ZNF385D: variants seen among roughly 807,000 people sequenced by gnomAD.
The protein encoded by ZNF385D is zinc finger protein 385D, also known as zinc finger protein 659.
A neutral mutation model predicts 35.8 loss-of-function variants in ZNF385D; 15 were observed. The observed-to-expected ratio is 0.42, with a 90% CI of 0.28 to 0.64. ZNF385D has a LOEUF of 0.64. Among genes scored for constraint, ZNF385D ranks in the 30% least tolerant of loss-of-function variants. ZNF385D has a pLI of 0.23. For missense variants in ZNF385D, 474 were observed against 494.6 expected (o/e 0.96, Z 0.39); for synonymous variants, 212 against 186.8 (o/e 1.13, Z -1.10).
At chr3:22,131,847 T>C (rs1444347420) in intron 3 of ZNF385D, among the ~76,000 whole-genome samples, 1 of 152,110 alleles carries the variant, frequency 6.6e-6, no homozygotes, top group Non-Finnish European at 1.5e-5. Flanking sequence ...TCCAGTGGGT[T>C]GAGAGAAGGT....
At chr3:21,973,697 C>G (rs1448069476) in intron 3 of ZNF385D, among the ~76,000 whole-genome samples, 1 of 151,950 alleles carries the variant, frequency 6.6e-6, no homozygotes, top group African/African-American at 2.4e-5. Context: ...TGACAGAAAA[C>G]CACTAGAACT....
intron 3 of ZNF385D, among the ~76,000 whole-genome samples, chr3:22,029,586 T>C (rs1267064473): frequency 6.6e-6 from 1 of 152,250 alleles, no homozygotes; most frequent in Non-Finnish European, 1.5e-5. Flanking sequence ...ATTTCCTTCT[T>C]CTTTTGTTAA....
intron 3 of ZNF385D, among the ~76,000 whole-genome samples, chr3:21,983,266 A>G (rs1694609395): frequency 7.1e-6 from 1 of 140,412 alleles, no homozygotes; most frequent in Non-Finnish European, 1.6e-5. Context: ...TGCACCCACT[A>G]ACTCGTCATC....
At chr3:22,005,083 A>ACC (rs1394823299) in intron 3 of ZNF385D, among the ~76,000 whole-genome samples, 2,845 of 117,340 alleles carry the variant, frequency 0.024, 103 homozygotes, top group Middle Eastern at 0.06. Flanking sequence ...AAAAAAAAAA[A>ACC]AGGCAGAAAA....
chr3:22,041,271 G>A (rs2125504631), intron 3 of ZNF385D, among the ~76,000 whole-genome samples: 1 of 152,230 alleles, frequency 6.6e-6, no homozygotes, highest in Admixed American at 6.5e-5. Context: ...AATAGGCCAT[G>A]TGTTCACATT....
chr3:22,224,248 T>C (rs1698428392), intron 2 of ZNF385D, among the ~76,000 whole-genome samples: 1 of 152,200 alleles, frequency 6.6e-6, no homozygotes, highest in South Asian at 2.1e-4. Flanking sequence ...AAAAGAGATA[T>C]AATTAAACTG....
At chr3:22,341,695 C>T (rs147112693) in intron 2 of ZNF385D, among the ~76,000 whole-genome samples, 104 of 152,206 alleles carry the variant, frequency 6.8e-4, no homozygotes, top group African/African-American at 2.4e-3. Flanking sequence ...CTTTTGGAGG[C>T]TATAAAATGT....
intron 3 of ZNF385D, among the ~76,000 whole-genome samples, chr3:22,078,843 A>G (rs1401213066): frequency 1.3e-5 from 2 of 152,106 alleles, no homozygotes; most frequent in African/African-American, 2.4e-5. Flanking sequence ...GATAAGTTCT[A>G]TAATACTGTG....
chr3:21,477,739 G>A (rs1704346202), intron 4 of ZNF385D, among the ~76,000 whole-genome samples: 1 of 152,104 alleles, frequency 6.6e-6, no homozygotes, highest in African/African-American at 2.4e-5. Context: ...TCTTCTAGCA[G>A]TGTTGCCTTT....
chr3:21,477,374 C>T (rs1704322613), intron 4 of ZNF385D, among the ~76,000 whole-genome samples: 1 of 152,098 alleles, frequency 6.6e-6, no homozygotes. Context: ...CTGCCTTGAG[C>T]TGTGATTGTG....
intron 3 of ZNF385D, among the ~76,000 whole-genome samples, chr3:22,125,138 G>A (rs903744378): frequency 3.3e-5 from 5 of 152,100 alleles, no homozygotes; most frequent in African/African-American, 9.7e-5. Context: ...GCATACATAT[G>A]TTCAGTTTAC....
chr3:22,057,230 T>C (rs1699452505), intron 3 of ZNF385D, among the ~76,000 whole-genome samples: 1 of 152,222 alleles, frequency 6.6e-6, no homozygotes, highest in Admixed American at 6.5e-5. Flanking sequence ...TTTCTCAGCC[T>C]CAGTTTATCT....
intron 1 of ZNF385D, among the ~76,000 whole-genome samples, chr3:21,707,596 T>C (rs566002821): frequency 5.9e-5 from 9 of 152,208 alleles, no homozygotes; most frequent in Middle Eastern, 6.8e-3. Context: ...GGAGAAAAAA[T>C]GTTGCAGATT....
At chr3:21,445,465 C>A (rs1346014881) in intron 4 of ZNF385D, among the ~76,000 whole-genome samples, 1 of 152,142 alleles carries the variant, frequency 6.6e-6, no homozygotes, top group Non-Finnish European at 1.5e-5. Context: ...TGCCCTCTTT[C>A]TTTTCTTTAG....
rs546041311 is a variant in ZNF385D, at chr3:22,365,318, A to C, written c.106+7132T>G. Reference sequence around the variant, plus strand: ...AAACATTGTCTATTCACTGAGGGCGAAATATCAACTAATATCTAAGAAAAA... The same window carrying C: ...AAACATTGTCTATTCACTGAGGGCGCAATATCAACTAATATCTAAGAAAAA... On this transcript the variant is annotated intron_variant, in intron 2 of 5. Coordinates refer to the ZNF385D transcript ENST00000494108. 3.9e-4 allele frequency among the ~76,000 whole-genome samples: 60 copies of C among 152,170 alleles called. 2 individuals are homozygous for C. The South Asian group carries it at 0.012, about 32-fold the overall frequency.
chr3:21,706,544 G>T (rs1178832790), intron 1 of ZNF385D, among the ~76,000 whole-genome samples: 1 of 152,168 alleles, frequency 6.6e-6, no homozygotes, highest in African/African-American at 2.4e-5. Context: ...TTAACTAGAG[G>T]CAGAAACTGG....
intron 3 of ZNF385D, among the ~76,000 whole-genome samples, chr3:22,143,085 G>A (rs1332887214): frequency 6.6e-6 from 1 of 151,128 alleles, no homozygotes; most frequent in Non-Finnish European, 1.5e-5. Flanking sequence ...GTGTGTGTGT[G>A]TGTGTGTGTG....
chr3:22,184,609 T>A (rs1398101696), intron 2 of ZNF385D, among the ~76,000 whole-genome samples: 2 of 152,090 alleles, frequency 1.3e-5, no homozygotes, highest in African/African-American at 4.8e-5. Context: ...GTGGATCACC[T>A]GAGGTCAGGA....
intron 2 of ZNF385D, among the ~76,000 whole-genome samples, chr3:21,598,402 A>G (rs905571438): frequency 2.0e-5 from 3 of 152,252 alleles, no homozygotes; most frequent in Non-Finnish European, 4.4e-5. Context: ...GAAGCATTTT[A>G]AAACTTGTTC....
Sources: gnomAD v4.1 joint callset for allele counts (sites outside exome capture counted in the v4.1 genomes callset) on GRCh38, gnomAD v4.1.1 for gene constraint, MANE v1.5 for transcripts, NCBI Gene and HGNC (gene_info 2026-07-23, HGNC 2026-07-21) for gene names.